Variants in GCC2 observed in about 807,000 individuals in gnomAD.
The protein encoded by GCC2 is GRIP and coiled-coil domain containing 2.
In GCC2, 120 loss-of-function variants were observed where a neutral mutation model predicts 210.6. The ratio of observed to expected loss-of-function variants is 0.57; its 90% CI spans 0.49 to 0.66. The LOEUF (loss-of-function observed/expected upper bound fraction) is 0.66, where lower values mean the gene tolerates loss of function less well. Among genes scored for constraint, GCC2 ranks in the 30% least tolerant of loss-of-function variants. The probability of loss-of-function intolerance (pLI) is 0.00; values close to 1 mark genes in which losing one functional copy is unlikely to be tolerated. For missense variants in GCC2, 1,868 were observed against 1,871.9 expected (o/e 1.00, Z 0.04); for synonymous variants, 703 against 652.7 (o/e 1.08, Z -1.17).
In GCC2 at chr2:108,471,926, A is replaced by G. The variant is rs149051213; in HGVS notation, c.2597A>G (p.Asn866Ser). 12 of 1,602,508 alleles carry G rather than the reference A, an allele frequency of 7.5e-6. No homozygotes were observed. The highest frequency in any genetic ancestry group is 1.0e-5 in the Non-Finnish European group (12 of 1,176,738). ...CAGTCTGATCTTCTAGAAATGAAGAATGCTAATGAAAAAACAAGGCTTGAA... is the reference window on the plus strand; with the variant it reads ...CAGTCTGATCTTCTAGAAATGAAGAGTGCTAATGAAAAAACAAGGCTTGAA... ...ALQSDLLEMKNANEKTRLENQ... is the reference protein window; with the variant it reads ...ALQSDLLEMKSANEKTRLENQ... The change falls in exon 6 of 23, where the codon AAT becomes AGT. Residue 866 changes from asparagine (N) to serine (S), a missense_variant. Asn to Ser is a conservative substitution (Grantham distance 46). Transcript: ENST00000309863.
chr2:108,490,022 T>C lies in GCC2; in HGVS notation c.4229+8T>C. The C allele has an allele frequency of 6.3e-7, 1 of 1,597,618 alleles. No individual in the cohort carries two copies. Among genetic ancestry groups the C allele is most frequent in the Non-Finnish European group, 8.5e-7 (1 of 1,172,772 alleles). Reference sequence around the variant, plus strand: ...GGCGGAACTCCGGGAAAAGTAAGACTGTTAGCAGCACTAACGCTGTACCAG... The same window carrying C: ...GGCGGAACTCCGGGAAAAGTAAGACCGTTAGCAGCACTAACGCTGTACCAG... On this transcript the variant is annotated splice_region_variant and intron_variant, in intron 18 of 22. Coordinates refer to ENST00000309863, the MANE Select transcript of GCC2 (RefSeq NM_181453.4).
At chr2:108,461,291 AT>A (rs60394000) in intron 4 of GCC2, among the ~76,000 whole-genome samples, 35,527 of 147,832 alleles carry the variant, frequency 0.24, 4,791 homozygotes, top group African/African-American at 0.37. Flanking sequence ...TCTTTGCTGA[AT>A]TTTTTTTTTT....
chr2:108,482,943 G>A, intron 11 of GCC2, 119 bp from the exon 12 acceptor site: 1 of 636,354 alleles, frequency 1.6e-6, no homozygotes, highest in Non-Finnish European at 2.8e-6. Flanking sequence ...GCCTCCCAAA[G>A]TGCTGGGATT....
At chr2:108,497,195 C>G in intron 21 of GCC2, 86 bp downstream of exon 21, 1 of 1,600,710 alleles carries the variant, frequency 6.2e-7, no homozygotes, top group Non-Finnish European at 8.5e-7. Context: ...CAGCTCACTG[C>G]AAGCTCCACC....
Position 108,487,742 on chromosome 2 carries a change from T to G in GCC2, c.3974T>G (p.Val1325Gly). 1 of 1,612,984 alleles carries G rather than the reference T, an allele frequency of 6.2e-7. No individual in the cohort carries two copies. The highest frequency in any genetic ancestry group is 1.1e-5 in the South Asian group (1 of 91,054). Residue 1325 changes from valine (V) to glycine (G), a missense_variant, in exon 17 of 23, where the codon GTC (valine) becomes GGC (glycine). Val to Gly is a moderately radical substitution (Grantham distance 109). Transcript: ENST00000309863. ...TVTSEFESYK[V>G]RVHNVLKQQK... ...ACCTCTGAATTCGAGAGCTACAAAG[T>G]CCGAGTTCATAATGTTCTAAAACAA...
In GCC2 at chr2:108,488,610, C is replaced by G. The variant is rs539193450; in HGVS notation, c.4052+790C>G. 3.9e-5 allele frequency among the ~76,000 whole-genome samples: 6 copies of G among 152,166 alleles called. No homozygotes were observed. In the South Asian group the frequency reaches 1.2e-3, roughly 32 times the overall value. On this transcript the variant is annotated intron_variant, in intron 17 of 22. Coordinates refer to ENST00000309863, the MANE Select transcript of GCC2 (RefSeq NM_181453.4). Reference sequence around the variant, plus strand: ...AATTTTGGTCTAGAATTAAACTTTTCTTATTTATGACCATTTCAGTTCTAT... The same window carrying G: ...AATTTTGGTCTAGAATTAAACTTTTGTTATTTATGACCATTTCAGTTCTAT...
In GCC2 at chr2:108,481,684, T is replaced by C. The variant is rs1681858119; in HGVS notation, c.3061-13T>C. ...AAATTATATACCAAAGTTAAATCCT[T>C]CTTTTATTGAAGAATCTTTTATTAG... On this transcript the variant is annotated splice_polypyrimidine_tract_variant and intron_variant, in intron 9 of 22. Transcript: ENST00000309863. 2.5e-6 allele frequency: 4 copies of C among 1,574,008 alleles called. No homozygotes were observed. The highest frequency in any genetic ancestry group is 1.4e-5 in the African/African-American group (1 of 72,768).
intron 4 of GCC2, among the ~76,000 whole-genome samples, chr2:108,465,068 T>C (rs6715158): frequency 5.6e-4 from 85 of 152,278 alleles, no homozygotes; most frequent in African/African-American, 2.0e-3. Context: ...TCGTGAGGAA[T>C]CCACCCCCAT....
At chr2:108,498,312 C>T (rs552957509) in intron 21 of GCC2, among the ~76,000 whole-genome samples, 9 of 145,986 alleles carry the variant, frequency 6.2e-5, no homozygotes, top group Non-Finnish European at 1.0e-4. Flanking sequence ...TCCCCTGCCT[C>T]AGCCTCCCGA....
rs540329572 is a variant in GCC2 at position 108,468,880 on chromosome 2, T to G, written c.217-100T>G. The G allele has an allele frequency of 3.0e-5, 22 of 730,536 alleles. 1 individual carries two copies. In the South Asian group the frequency reaches 3.5e-4, roughly 12 times the overall value. The allele number at this position is 730,536 out of a possible 1,614,324, so 45.3% of individuals were successfully genotyped here. ...GTGTTCTACCTTTTAAAATCTCTTA[T>G]TCTCACTTCAGTGTGTTTTGAAAAG... On this transcript the variant is annotated intron_variant, in intron 4 of 22. Transcript: ENST00000309863.
At chr2:108,484,714 A>G (rs1217348145) in intron 13 of GCC2, 3 of 153,168 alleles carry the variant, frequency 2.0e-5, no homozygotes, top group Admixed American at 2.0e-4. Context: ...CAGGTTTGTC[A>G]AAGATCAGAT....
intron 21 of GCC2, among the ~76,000 whole-genome samples, chr2:108,498,379 A>G (rs1021628268): frequency 2.6e-5 from 4 of 151,152 alleles, no homozygotes; most frequent in Admixed American, 6.6e-5. Context: ...TTATTTTACT[A>G]GAGGCATGGT....
At chr2:108,461,757 G>C (rs1309297885) in intron 4 of GCC2, among the ~76,000 whole-genome samples, 5 of 151,370 alleles carry the variant, frequency 3.3e-5, no homozygotes, top group Admixed American at 3.3e-4. Flanking sequence ...ACCTGCCTCA[G>C]CTTCCCAAAG....
In GCC2 at chr2:108,470,689, A is replaced by G; in HGVS notation, c.1360A>G (p.Thr454Ala). 1 of 1,609,840 alleles carries G rather than the reference A, an allele frequency of 6.2e-7. No homozygotes were observed. Among genetic ancestry groups the G allele is most frequent in the East Asian group, 2.2e-5 (1 of 44,844 alleles). ...GTCAGATTCAGAAAAAGAAAAATTA[A>G]CATTAATGTTTGAAATACAGGGTCT... Reference protein sequence around the residue: ...FLSDSEKEKLTLMFEIQGLKE... With the variant: ...FLSDSEKEKLALMFEIQGLKE... Residue 454 changes from threonine to alanine, a missense_variant, in exon 6 of 23, where the codon ACA becomes GCA. Physicochemically the swap from Thr to Ala is moderately conservative, Grantham distance 58 (BLOSUM62 0). Coordinates refer to ENST00000309863, the MANE Select transcript of GCC2 (RefSeq NM_181453.4).
intron 5 of GCC2, chr2:108,469,314 T>C (rs1681062100): frequency 2.4e-6 from 1 of 424,254 alleles, no homozygotes; most frequent in East Asian, 3.6e-5. Flanking sequence ...AATGCCATCT[T>C]TACTAAAAGC....
chr2:108,471,779 G>A lies in GCC2; in HGVS notation c.2450G>A (p.Cys817Tyr), dbSNP rs1461440891. The A allele has an allele frequency of 2.5e-6, 4 of 1,613,078 alleles. No individual in the cohort carries two copies. The East Asian group carries it at 8.9e-5, about 36-fold the overall frequency. ...TTAGAGTTAGAAAAAGAGATTAAGT[G>A]CCTTCAAGAAGAGAGTGTAGTTCAG... is the stretch of plus-strand genomic sequence containing the variant. ...KVLELEKEIKCLQEESVVQCE... is the reference protein window; with the variant it reads ...KVLELEKEIKYLQEESVVQCE... The change falls in exon 6 of 23, where the codon TGC (cysteine) becomes TAC (tyrosine). Residue 817 changes from cysteine (C) to tyrosine (Y), a missense_variant. Transcript: ENST00000309863.
intron 4 of GCC2, among the ~76,000 whole-genome samples, chr2:108,461,972 A>G (rs1240958892): frequency 1.4e-5 from 2 of 144,102 alleles, no homozygotes; most frequent in African/African-American, 2.5e-5. Flanking sequence ...AGCTGGGACT[A>G]CAGGCGCCCA....
intron 4 of GCC2, among the ~76,000 whole-genome samples, chr2:108,454,425 TTTAG>T (rs1203994477): frequency 6.6e-6 from 1 of 152,256 alleles, no homozygotes; most frequent in Non-Finnish European, 1.5e-5. Flanking sequence ...TTGTTCTTTA[TTTAG>T]TTACAGTGTA....
In GCC2 at chr2:108,495,485, G is replaced by C. The variant is rs746952740; in HGVS notation, c.4642G>C (p.Glu1548Gln). ...QLLNSPETKLEPPLWHAEFTK... is the reference protein window; with the variant it reads ...QLLNSPETKLQPPLWHAEFTK... ...GCTTAACTCTCCCGAAACTAAACTT[G>C]GTATGTTACTCTGTCTAAATATGTT... Residue 1548 changes from glutamate to glutamine, a missense_variant and splice_region_variant, in exon 20 of 23, where the codon GAG becomes CAG. Physicochemically the swap from Glu to Gln is conservative, Grantham distance 29. Transcript: ENST00000309863. 1.0e-5 allele frequency: 16 copies of C among 1,576,020 alleles called. No homozygotes were observed. Among genetic ancestry groups the C allele is most frequent in the South Asian group, 6.7e-5 (6 of 89,636 alleles).
Sources: allele counts gnomAD v4.1 joint callset (sites outside exome capture counted in the v4.1 genomes callset), GRCh38; gene constraint gnomAD v4.1.1; transcripts MANE v1.5; gene names NCBI Gene and HGNC (gene_info 2026-07-23, HGNC 2026-07-21).